TPH1: variants seen among roughly 807,000 people sequenced by gnomAD.
The protein encoded by TPH1 is tryptophan 5-hydroxylase 1.
In TPH1, 37 loss-of-function variants were observed where a neutral mutation model predicts 49.5. That is an observed-to-expected ratio of 0.75 (90% CI 0.58 to 0.98). The LOEUF (loss-of-function observed/expected upper bound fraction) is 0.98. Among genes scored for constraint, TPH1 ranks in the 50% least tolerant of loss-of-function variants. The pLI is 0.00. For synonymous variants in TPH1, 160 were observed against 182.1 expected (o/e 0.88, Z 0.98); for missense variants, 487 against 523.6 (o/e 0.93, Z 0.68).
chr11:18,034,885 T>C (rs76516712), intron 3 of TPH1, among the ~76,000 whole-genome samples: 5,512 of 152,246 alleles, frequency 0.036, 343 homozygotes, highest in African/African-American at 0.13. Context: ...ATGCTGTACA[T>C]CAGTTGTTCC....
chr11:18,044,999 A>G (rs1372183471), intron 1 of TPH1, among the ~76,000 whole-genome samples: 1 of 152,224 alleles, frequency 6.6e-6, no homozygotes, highest in Non-Finnish European at 1.5e-5. Context: ...AAATACCAAG[A>G]AGACACTCAG....
At chr11:18,038,152 T>C (rs1014236558) in intron 2 of TPH1, among the ~76,000 whole-genome samples, 5 of 132,382 alleles carry the variant, frequency 3.8e-5, no homozygotes, top group Non-Finnish European at 8.8e-5. Flanking sequence ...TTGTTGAAAA[T>C]CAATAGATAA....
intron 6 of TPH1, among the ~76,000 whole-genome samples, chr11:18,028,377 C>T (rs991873896): frequency 5.9e-5 from 9 of 152,182 alleles, no homozygotes; most frequent in Non-Finnish European, 1.2e-4. Flanking sequence ...AACACCCCCA[C>T]GGATGAGGAA....
At chr11:18,028,932 G>A (rs530218603) in intron 6 of TPH1, among the ~76,000 whole-genome samples, 1 of 152,090 alleles carries the variant, frequency 6.6e-6, no homozygotes, top group South Asian at 2.1e-4. Context: ...GGGTGTGGTG[G>A]CAGGTGCCTG....
chr11:18,038,640 A>C lies in TPH1; in HGVS notation c.117+2006T>G, dbSNP rs75929035. Among the ~76,000 whole-genome samples the C allele has an allele frequency of 7.2e-5, 11 of 152,354 alleles. No individual in the cohort carries two copies. The East Asian group carries it at 2.1e-3, about 29-fold the overall frequency. Reference sequence around the variant, plus strand: ...ACACGTGATTTAATGAGTGTGATTAACTCAAGCTTCTGCACACAAGGTTGC... The same window carrying C: ...ACACGTGATTTAATGAGTGTGATTACCTCAAGCTTCTGCACACAAGGTTGC... On this transcript the variant is annotated intron_variant, in intron 2 of 10. Coordinates refer to ENST00000682019, the MANE Select transcript of TPH1 (RefSeq NM_004179.3).
chr11:18,042,076 T>A (rs897503292), intron 1 of TPH1, among the ~76,000 whole-genome samples: 1 of 151,986 alleles, frequency 6.6e-6, no homozygotes, highest in African/African-American at 2.4e-5. Flanking sequence ...CCCCTCACCT[T>A]CCCACCACCC....
chr11:18,022,754 T>C, intron 10 of TPH1, 44 bp downstream of exon 10: 3 of 1,608,022 alleles, frequency 1.9e-6, no homozygotes, highest in Non-Finnish European at 2.6e-6. Context: ...ATGGGGCTGA[T>C]CTTTCCCTGA....
chr11:18,026,843 A>G (rs769076275), intron 6 of TPH1, among the ~76,000 whole-genome samples: 4 of 152,198 alleles, frequency 2.6e-5, no homozygotes, highest in African/African-American at 4.8e-5. Context: ...TTTCACATTT[A>G]CAGCATGACT....
At chr11:18,025,312 G>A (rs1213542543) in intron 8 of TPH1, among the ~76,000 whole-genome samples, 6 of 151,854 alleles carry the variant, frequency 4.0e-5, no homozygotes, top group African/African-American at 1.5e-4. Context: ...AAGATTATGA[G>A]CAAAAACAAA....
intron 4 of TPH1, among the ~76,000 whole-genome samples, chr11:18,032,321 C>T (rs1225057213): frequency 6.6e-6 from 1 of 152,070 alleles, no homozygotes; most frequent in African/African-American, 2.4e-5. Context: ...TTTCTCTGGC[C>T]CACTTTTATT....
At chr11:18,044,790 C>T (rs1848127292) in intron 1 of TPH1, among the ~76,000 whole-genome samples, 1 of 151,882 alleles carries the variant, frequency 6.6e-6, no homozygotes, top group South Asian at 2.1e-4. Context: ...AAACACAATA[C>T]TAACCTGGTA....
At position 18,040,734 on chromosome 11, in the gene TPH1, T is replaced by C. The variant is rs1479262939; in HGVS notation, c.29A>G (p.Asp10Gly). Residue 10 changes from aspartate to glycine, a missense_variant, in exon 2 of 11, where the codon GAC becomes GGC. Physicochemically the swap from Asp to Gly is moderately conservative, Grantham distance 94 (BLOSUM62 -1). Transcript: ENST00000682019. ...TGCTCTTCCCCTTTCTAAGGAATGG[T>C]CTTTGTTCTCCTTATTGTCTTCAAT... Reference protein sequence around the residue: MIEDNKENKDHSLERGRASL... With the variant: MIEDNKENKGHSLERGRASL... The C allele has an allele frequency of 6.2e-7, 1 of 1,612,376 alleles. No individual in the cohort carries two copies. The highest frequency in any genetic ancestry group is 2.2e-5 in the East Asian group (1 of 44,806).
At position 18,040,728 on chromosome 11, in the gene TPH1, G is replaced by A. The variant is rs746392205; in HGVS notation, c.35C>T (p.Ser12Phe). 6.2e-7 allele frequency: 1 copy of A among 1,612,256 alleles called. No homozygotes were observed. Among genetic ancestry groups the A allele is most frequent in the Non-Finnish European group, 8.5e-7 (1 of 1,178,964 alleles). The change falls in exon 2 of 11, where the codon TCC becomes TTC. Residue 12 changes from serine (S) to phenylalanine (F), a missense_variant. Coordinates refer to ENST00000682019, the MANE Select transcript of TPH1 (RefSeq NM_004179.3). ...IEDNKENKDH[S>F]LERGRASLIF... ...GAGACTTGCTCTTCCCCTTTCTAAGGAATGGTCTTTGTTCTCCTTATTGTC... is the reference window on the plus strand; with the variant it reads ...GAGACTTGCTCTTCCCCTTTCTAAGAAATGGTCTTTGTTCTCCTTATTGTC...
chr11:18,040,809 C>T (rs1590268669), intron 1 of TPH1, 21 bp from the exon 2 acceptor site: 1 of 1,598,594 alleles, frequency 6.3e-7, no homozygotes, highest in East Asian at 2.3e-5. Context: ...AAAACAAAGA[C>T]TACGGGCTAA....
chr11:18,033,001 C>G (rs1285524348), intron 4 of TPH1, among the ~76,000 whole-genome samples: 3 of 152,064 alleles, frequency 2.0e-5, no homozygotes, highest in South Asian at 4.1e-4. Context: ...GCCTGTTATC[C>G]CAGCACTTTG....
rs1488815046 is a variant in TPH1 at position 18,022,829 on chromosome 11, C to G, written c.1129G>C (p.Glu377Gln). 1.2e-6 allele frequency: 2 copies of G among 1,613,432 alleles called. No homozygotes were observed. Among genetic ancestry groups the G allele is most frequent in the South Asian group, 2.2e-5 (2 of 91,052 alleles). Residue 377 changes from glutamate to glutamine, a missense_variant, in exon 10 of 11, where the codon GAA becomes CAA. Glu to Gln is a conservative substitution (Grantham distance 29). Transcript: ENST00000682019. Reference protein sequence around the residue: ...TTFQDVYFVSESFEDAKEKMR... With the variant: ...TTFQDVYFVSQSFEDAKEKMR... ...TTCTCCTTTGCATCTTCAAAACTTT[C>G]AGATACAAAGTAGACATCTTGAAAA...
intron 6 of TPH1, among the ~76,000 whole-genome samples, chr11:18,028,437 T>C (rs935167607): frequency 2.0e-5 from 3 of 152,230 alleles, no homozygotes; most frequent in African/African-American, 7.2e-5. Flanking sequence ...TTTAACAAGA[T>C]ATTCTCTATT....
chr11:18,029,215 T>C lies in TPH1; in HGVS notation c.617A>G (p.Tyr206Cys). 2.5e-6 allele frequency: 4 copies of C among 1,613,878 alleles called. No individual in the cohort carries two copies. Among genetic ancestry groups the C allele is most frequent in the Non-Finnish European group, 2.5e-6 (3 of 1,179,892 alleles). ...NLPLLSKYCG[Y>C]REDNIPQLED... is the part of the protein sequence containing the mutation. The stretch of plus-strand genomic sequence containing the variant: ...CAATTGTGGGATATTATCCTCCCGA[T>C]ATCCACAATATTTAGAAAGCAAAGG... Residue 206 changes from tyrosine to cysteine, a missense_variant, in exon 6 of 11, where the codon TAT (tyrosine) becomes TGT (cysteine). Transcript: ENST00000682019.
intron 2 of TPH1, among the ~76,000 whole-genome samples, chr11:18,039,122 C>T (rs685657): frequency 0.32 from 48,747 of 152,038 alleles, 9,410 homozygotes; most frequent in East Asian, 0.51. Flanking sequence ...AAAACTGATG[C>T]TTTTCATTAC....
Sources: gnomAD v4.1 joint callset for allele counts (sites outside exome capture counted in the v4.1 genomes callset) on GRCh38, gnomAD v4.1.1 for gene constraint, MANE v1.5 for transcripts, NCBI Gene and HGNC (gene_info 2026-07-23, HGNC 2026-07-21) for gene names.